The following PSD3 variants were observed in gnomAD, a reference collection of about 807,000 sequenced individuals.
The protein encoded by PSD3 is pleckstrin and Sec7 domain containing 3, also known as PH and SEC7 domain-containing protein 3.
PSD3 carries 49 observed loss-of-function variants against 105.5 expected under a neutral mutation model. The ratio of observed to expected loss-of-function variants is 0.46; its 90% CI spans 0.37 to 0.59. PSD3 has a LOEUF of 0.59. Ranked by LOEUF, PSD3 falls within the 20% of genes least tolerant of loss-of-function variation. The pLI is 0.00. For synonymous variants in PSD3, 557 were observed against 457.8 expected (o/e 1.22, Z -2.77); for missense variants, 1,561 against 1,263.8 (o/e 1.24, Z -3.57).
chr8:18,673,111 G>T (rs1433761574), intron 9 of PSD3, among the ~76,000 whole-genome samples: 2 of 151,742 alleles, frequency 1.3e-5, no homozygotes, highest in Admixed American at 6.6e-5. Flanking sequence ...TCTCTTTTTG[G>T]TTTTTCTATT....
At chr8:18,664,448 A>T (rs1809569545) in intron 9 of PSD3, among the ~76,000 whole-genome samples, 1 of 152,208 alleles carries the variant, frequency 6.6e-6, no homozygotes, top group Non-Finnish European at 1.5e-5. Flanking sequence ...ACTGTCTTCC[A>T]CCCTGCAAAA....
At chr8:18,845,086 C>T (rs1323369724) in intron 4 of PSD3, among the ~76,000 whole-genome samples, 1 of 152,054 alleles carries the variant, frequency 6.6e-6, no homozygotes, top group Non-Finnish European at 1.5e-5. Flanking sequence ...TAAGTATATT[C>T]TAAAGGAAAA....
chr8:18,798,418 T>TA (rs1165278921), intron 8 of PSD3, among the ~76,000 whole-genome samples: 1 of 152,146 alleles, frequency 6.6e-6, no homozygotes, highest in Non-Finnish European at 1.5e-5. Flanking sequence ...CCCTTCCTCT[T>TA]ATAACAGCTA....
chr8:19,056,162 C>T (rs1418636566), intron 1 of PSD3, among the ~76,000 whole-genome samples: 4 of 152,174 alleles, frequency 2.6e-5, no homozygotes, highest in Non-Finnish European at 5.9e-5. Context: ...TTTCTTTGAT[C>T]GTTTTCAAAT....
chr8:18,718,877 G>A (rs1019156575), intron 9 of PSD3, among the ~76,000 whole-genome samples: 1 of 152,058 alleles, frequency 6.6e-6, no homozygotes, highest in African/African-American at 2.4e-5. Context: ...GGAGGCAATG[G>A]GGAGAGCAGA....
intron 4 of PSD3, among the ~76,000 whole-genome samples, chr8:18,859,214 C>A (rs1221543247): frequency 7.0e-6 from 1 of 143,530 alleles, no homozygotes; most frequent in South Asian, 2.3e-4. Context: ...GTAGTATTTT[C>A]AAAGAAATCC....
chr8:18,911,651 G>C (rs1253630226), intron 2 of PSD3, among the ~76,000 whole-genome samples: 1 of 152,156 alleles, frequency 6.6e-6, no homozygotes, highest in Non-Finnish European at 1.5e-5. Context: ...CTGCAATTTG[G>C]TGTGATAAAA....
intron 1 of PSD3, among the ~76,000 whole-genome samples, chr8:18,950,117 T>C (rs772567233): frequency 7.2e-5 from 11 of 152,194 alleles, no homozygotes; most frequent in Non-Finnish European, 1.2e-4. Context: ...ATACTCATAC[T>C]ACCTGCAATA....
intron 11 of PSD3, among the ~76,000 whole-genome samples, chr8:18,627,293 T>C (rs966019835): frequency 6.6e-6 from 1 of 151,994 alleles, no homozygotes; most frequent in Non-Finnish European, 1.5e-5. Context: ...AGTTTAGTGA[T>C]GCTGAGAGGG....
At position 18,910,637 on chromosome 8, in the gene PSD3, TAAAAAAAA is replaced by T. The variant is rs34392783; in HGVS notation, c.130+25389_130+25396del. ...ATGTACCCTAAAACTTAGAGTATAA[TAAAAAAAA>T]AAAAAAAAAAAAAAGAAAAGTCTGA... On this transcript the variant is annotated intron_variant, in intron 2 of 15. Coordinates refer to ENST00000327040, the MANE Select transcript of PSD3 (RefSeq NM_015310.4). Among the ~76,000 whole-genome samples, 109 of 97,116 alleles carry T rather than the reference TAAAAAAAA, an allele frequency of 1.1e-3. 1 individual carries two copies. Among genetic ancestry groups the T allele is most frequent in the African/African-American group, 3.8e-3 (98 of 25,644 alleles). The allele number at this position is 97,116 out of a possible 152,430, so 63.7% of individuals were successfully genotyped here.
intron 2 of PSD3, among the ~76,000 whole-genome samples, chr8:18,931,594 C>T (rs1399388752): frequency 2.0e-5 from 3 of 152,170 alleles, no homozygotes; most frequent in Non-Finnish European, 4.4e-5. Context: ...ACTCTAGAAC[C>T]TTAAAATTAT....
chr8:18,752,564 A>G lies in PSD3; in HGVS notation c.2172+12885T>C, dbSNP rs1309692764. ...ATATATATTATATATAATTATATAT[A>G]TTATATATATAATTATATATATTAT... On this transcript the variant is annotated intron_variant, in intron 9 of 15. Coordinates refer to ENST00000327040, the MANE Select transcript of PSD3 (RefSeq NM_015310.4). Among the ~76,000 whole-genome samples the G allele has an allele frequency of 1.1e-4, 9 of 79,896 alleles. No homozygotes were observed. The East Asian group carries it at 3.3e-3, about 30-fold the overall frequency. 52.4% of individuals were successfully genotyped at this position (79,896 alleles called of 152,430 possible). A position where few individuals can be genotyped will look rare whatever the true frequency, so the allele number is the denominator to read the frequency against.
At chr8:18,552,753 T>C (rs1349615861) in intron 15 of PSD3, among the ~76,000 whole-genome samples, 2 of 152,244 alleles carry the variant, frequency 1.3e-5, no homozygotes, top group African/African-American at 2.4e-5. Context: ...CAATGTAGAC[T>C]TGTCATGCTT....
chr8:18,552,371 A>C (rs1340442302), intron 15 of PSD3, among the ~76,000 whole-genome samples: 3 of 152,200 alleles, frequency 2.0e-5, no homozygotes, highest in Non-Finnish European at 4.4e-5. Context: ...ATCTTGAAAT[A>C]AAAAGCGTCA....
intron 11 of PSD3, among the ~76,000 whole-genome samples, chr8:18,601,877 G>T (rs1003361627): frequency 8.5e-5 from 13 of 152,146 alleles, no homozygotes; most frequent in Non-Finnish European, 7.3e-5. Flanking sequence ...TGCAGAGCAG[G>T]GCCTCAGGTG....
chr8:18,537,328 C>G (rs1799899797), intron 15 of PSD3, among the ~76,000 whole-genome samples: 1 of 152,034 alleles, frequency 6.6e-6, no homozygotes, highest in African/African-American at 2.4e-5. Context: ...GGATTTGAAC[C>G]AAGGCAATCT....
At chr8:18,541,486 C>G (rs1014068353) in intron 15 of PSD3, among the ~76,000 whole-genome samples, 1 of 152,162 alleles carries the variant, frequency 6.6e-6, no homozygotes, top group African/African-American at 2.4e-5. Flanking sequence ...TCCCACCGTT[C>G]CAATGATGTT....
chr8:18,628,789 C>T (rs1299774635), intron 11 of PSD3, among the ~76,000 whole-genome samples: 3 of 150,934 alleles, frequency 2.0e-5, no homozygotes. Flanking sequence ...GTAAACCTTG[C>T]AGCAAACACT....
At chr8:18,758,268 G>C (rs1391645141) in intron 9 of PSD3, among the ~76,000 whole-genome samples, 1 of 151,962 alleles carries the variant, frequency 6.6e-6, no homozygotes, top group East Asian at 1.9e-4. Flanking sequence ...AGATCAAATA[G>C]GGAAAAAAGA....
Sources: gnomAD v4.1 joint callset for allele counts (sites outside exome capture counted in the v4.1 genomes callset) on GRCh38, gnomAD v4.1.1 for gene constraint, MANE v1.5 for transcripts, NCBI Gene and HGNC (gene_info 2026-07-23, HGNC 2026-07-21) for gene names.